The following DNAJB1 variants were observed in gnomAD, a reference collection of about 807,000 sequenced individuals.
DNAJB1 encodes dnaJ homolog subfamily B member 1.
A neutral mutation model predicts 24.0 loss-of-function variants in DNAJB1; 14 were observed. The observed-to-expected ratio is 0.58, with a 90% CI of 0.39 to 0.91. The LOEUF is 0.91. Among genes scored for constraint, DNAJB1 ranks in the 40% least tolerant of loss-of-function variants. The probability of loss-of-function intolerance (pLI) is 0.00; values close to 1 mark genes in which losing one functional copy is unlikely to be tolerated. For missense variants in DNAJB1, 517 were observed against 458.1 expected (o/e 1.13, Z -1.17); for synonymous variants, 262 against 174.4 (o/e 1.50, Z -3.96).
At chr19:14,517,359 G>C (rs1030640160) in intron 1 of DNAJB1, 22 of 322,794 alleles carry the variant, frequency 6.8e-5, no homozygotes, top group African/African-American at 3.6e-4. Context: ...GATGGCTAAA[G>C]ACACATGGTC....
rs771556939 is a variant in DNAJB1 at position 14,516,582 on chromosome 19, G to C, written c.676C>G (p.Gln226Glu). Residue 226 changes from glutamine (Q) to glutamate (E), a missense_variant, in exon 2 of 3, where the codon CAG becomes GAG. Coordinates refer to ENST00000254322, the MANE Select transcript of DNAJB1 (RefSeq NM_006145.3). The part of the protein sequence containing the change: ...TKITFPKEGD[Q>E]TSNNIPADIV... ...TCAGCTGGAATGTTGTTGGAGGTCT[G>C]GTCTCCTTCCTTGGGGAAAGTGATT... 1.9e-6 allele frequency: 3 copies of C among 1,614,032 alleles called. 1 individual carries two copies. The highest frequency in any genetic ancestry group is 2.5e-6 in the Non-Finnish European group (3 of 1,180,022).
At chr19:14,559,308 G>A (rs999672702) in intron 1 of DNAJB1, among the ~76,000 whole-genome samples, 1 of 151,998 alleles carries the variant, frequency 6.6e-6, no homozygotes, top group Non-Finnish European at 1.5e-5. Flanking sequence ...TCTGAAAGGA[G>A]ACCGGGTACC....
chr19:14,558,831 T>G (rs1053664141), intron 1 of DNAJB1, among the ~76,000 whole-genome samples: 18 of 152,146 alleles, frequency 1.2e-4, no homozygotes, highest in African/African-American at 4.1e-4. Flanking sequence ...GCCTCACCGC[T>G]TCTCCTGGAG....
chr19:14,535,026 T>C (rs898780441), intron 1 of DNAJB1, among the ~76,000 whole-genome samples: 1 of 152,000 alleles, frequency 6.6e-6, no homozygotes, highest in Non-Finnish European at 1.5e-5. Context: ...AGAGGGTCTT[T>C]CTCTGCCCTA....
At chr19:14,552,298 T>C (rs1346369533), upstream of DNAJB1, among the ~76,000 whole-genome samples, 2 of 150,958 alleles carry the variant, frequency 1.3e-5, no homozygotes, top group Non-Finnish European at 2.9e-5. Context: ...CCTCCCAAAC[T>C]GCTGGGATTA....
chr19:14,519,161 A>G (rs914424803), upstream of DNAJB1, among the ~76,000 whole-genome samples: 1 of 152,204 alleles, frequency 6.6e-6, no homozygotes, highest in African/African-American at 2.4e-5. Flanking sequence ...TGAGGTCAGG[A>G]GTTCGAGACC....
At chr19:14,541,218 T>C (rs1421321737) in intron 1 of DNAJB1, among the ~76,000 whole-genome samples, 1 of 152,062 alleles carries the variant, frequency 6.6e-6, no homozygotes, top group African/African-American at 2.4e-5. Context: ...GTTCAAGTGA[T>C]CTCCTGCCTC....
intron 1 of DNAJB1, among the ~76,000 whole-genome samples, chr19:14,544,422 C>T (rs562680445): frequency 2.0e-5 from 3 of 152,080 alleles, no homozygotes; most frequent in East Asian, 3.9e-4. Context: ...GCCGTTCAGC[C>T]GCATAATTGA....
At chr19:14,545,195 A>G (rs559902420) in intron 1 of DNAJB1, 88 of 456,602 alleles carry the variant, frequency 1.9e-4, no homozygotes, top group Non-Finnish European at 3.3e-4. Flanking sequence ...AACCTAAAGC[A>G]CTTGTCTTGG....
At chr19:14,532,669 G>GGA (rs2072718496), upstream of DNAJB1, 1 of 152,126 alleles carries the variant, frequency 6.6e-6, no homozygotes, top group South Asian at 2.1e-4. Context: ...CTTCTGGGTG[G>GGA]GAGAAGCAGT....
At chr19:14,550,780 A>T (rs2073472352), upstream of DNAJB1, among the ~76,000 whole-genome samples, 2 of 152,032 alleles carry the variant, frequency 1.3e-5, no homozygotes, top group Admixed American at 1.3e-4. Context: ...TCCTGGGTTC[A>T]TGCGATTCTC....
upstream of DNAJB1, chr19:14,531,302 A>C (rs2072648127): frequency 6.6e-6 from 1 of 151,856 alleles, no homozygotes; most frequent in Non-Finnish European, 1.5e-5. Flanking sequence ...CTCCCAAAGT[A>C]CTGGGATTAC....
At chr19:14,518,005 G>C (rs1209062300) in intron 1 of DNAJB1, 134 bp downstream of exon 1, 2 of 998,928 alleles carry the variant, frequency 2.0e-6, no homozygotes, top group South Asian at 2.6e-5. Context: ...GGAGGCCCGC[G>C]AGGCCGGAGG....
chr19:14,559,049 C>G (rs1275647825), intron 1 of DNAJB1, among the ~76,000 whole-genome samples: 1 of 152,254 alleles, frequency 6.6e-6, no homozygotes, highest in East Asian at 1.9e-4. Flanking sequence ...GCGGAGCCCT[C>G]GATGAGGTCT....
At chr19:14,544,926 C>G (rs1232930336) in intron 1 of DNAJB1, among the ~76,000 whole-genome samples, 1 of 152,126 alleles carries the variant, frequency 6.6e-6, no homozygotes, top group Non-Finnish European at 1.5e-5. Context: ...AGCCACCATG[C>G]CCAGCACGTG....
At chr19:14,559,540 C>A (rs2073842697) in intron 1 of DNAJB1, among the ~76,000 whole-genome samples, 1 of 152,052 alleles carries the variant, frequency 6.6e-6, no homozygotes, top group South Asian at 2.1e-4. Context: ...ATAATCCTAG[C>A]ACTTTGGGAG....
upstream of DNAJB1, among the ~76,000 whole-genome samples, chr19:14,553,703 TG>T (rs2073618692): frequency 6.6e-6 from 1 of 151,782 alleles, no homozygotes; most frequent in East Asian, 1.9e-4. Flanking sequence ...GCATTTGTGA[TG>T]GGGGCGAGGT....
intron 1 of DNAJB1, among the ~76,000 whole-genome samples, chr19:14,543,727 C>T (rs192018025): frequency 0.023 from 3,457 of 149,628 alleles, 74 homozygotes; most frequent in African/African-American, 0.056. Flanking sequence ...CGTGAGCCAC[C>T]GCGCCCGGCT....
intron 1 of DNAJB1, among the ~76,000 whole-genome samples, chr19:14,555,769 G>A (rs938552742): frequency 3.3e-5 from 5 of 152,120 alleles, no homozygotes; most frequent in African/African-American, 1.2e-4. Context: ...TACTTTTTGT[G>A]GAGGCAGAGC....
Sources: gnomAD v4.1 joint callset for allele counts (sites outside exome capture counted in the v4.1 genomes callset) on GRCh38, gnomAD v4.1.1 for gene constraint, MANE v1.5 for transcripts, NCBI Gene and HGNC (gene_info 2026-07-23, HGNC 2026-07-21) for gene names.